SORBS2: variants seen among roughly 807,000 people sequenced by gnomAD.
The protein encoded by SORBS2 is sorbin and SH3 domain containing 2.
Under a neutral mutation model 97.7 loss-of-function variants are expected in SORBS2, and 46 were observed. The ratio of observed to expected loss-of-function variants is 0.47; its 90% confidence interval spans 0.37 to 0.60. The LOEUF (loss-of-function observed/expected upper bound fraction) is 0.60, where lower values mean the gene tolerates loss of function less well. Ranked by LOEUF, SORBS2 falls within the 20% of genes least tolerant of loss-of-function variation. The pLI, the probability that SORBS2 is intolerant of heterozygous loss-of-function variation, is 0.00. For synonymous variants in SORBS2, 476 were observed against 473.4 expected (o/e 1.01, Z -0.07); for missense variants, 1,316 against 1,282.3 (o/e 1.03, Z -0.40).
At chr4:185,617,680 TAA>T (rs1299319754) in intron 9 of SORBS2, among the ~76,000 whole-genome samples, 2 of 152,188 alleles carry the variant, frequency 1.3e-5, no homozygotes, top group East Asian at 1.9e-4. Flanking sequence ...CTCTTATATA[TAA>T]GTCTGCTTAT....
intron 4 of SORBS2, chr4:185,677,221 C>T (rs764467421): frequency 2.5e-5 from 39 of 1,551,522 alleles, no homozygotes; most frequent in Admixed American, 3.9e-5. Flanking sequence ...GACGGTACTT[C>T]GACAGATTTG....
intron 4 of SORBS2, among the ~76,000 whole-genome samples, chr4:185,671,599 C>A (rs1044197465): frequency 5.3e-5 from 8 of 152,166 alleles, no homozygotes; most frequent in African/African-American, 1.9e-4. Flanking sequence ...AAAGGAGAAT[C>A]ATGTTTTACA....
Position 185,696,994 on chromosome 4 carries a change from A to T in SORBS2, c.-197-18172T>A, listed in dbSNP as rs77243736. 1.8e-3 allele frequency among the ~76,000 whole-genome samples: 276 copies of T among 152,330 alleles called. 4 individuals carry two copies. The East Asian group carries it at 0.038, about 21-fold the overall frequency. On this transcript the variant is annotated intron_variant, in intron 2 of 20. Transcript: ENST00000284776. ...CACCTTATCAAAGAGACATGTGAGGAATTAATTAGAATATCCCTATAACAC... is the reference window on the plus strand; with the variant it reads ...CACCTTATCAAAGAGACATGTGAGGTATTAATTAGAATATCCCTATAACAC...
At chr4:185,803,346 T>C (rs13114824) in intron 1 of SORBS2, among the ~76,000 whole-genome samples, 67,167 of 152,056 alleles carry the variant, frequency 0.44, 15,236 homozygotes, top group East Asian at 0.67. Context: ...TTTAAGGGTA[T>C]GTTTTCCTAA....
intron 4 of SORBS2, chr4:185,646,437 A>G (rs1167438977): frequency 6.6e-6 from 2 of 304,068 alleles, no homozygotes; most frequent in East Asian, 9.1e-5. Context: ...ATATATAAAT[A>G]CACACACATA....
chr4:185,868,250 G>A (rs1195484559), intron 1 of SORBS2, among the ~76,000 whole-genome samples: 4 of 142,576 alleles, frequency 2.8e-5, no homozygotes, highest in African/African-American at 7.9e-5. Context: ...TCCGCCTCCC[G>A]GGTTCAAGCG....
At chr4:185,692,147 T>A (rs1407186159) in intron 2 of SORBS2, among the ~76,000 whole-genome samples, 2 of 152,190 alleles carry the variant, frequency 1.3e-5, no homozygotes, top group Non-Finnish European at 2.9e-5. Context: ...GACACGCTGA[T>A]AAGGTAGCAA....
chr4:185,864,631 C>G (rs950412153), intron 1 of SORBS2, among the ~76,000 whole-genome samples: 8 of 152,182 alleles, frequency 5.3e-5, no homozygotes, highest in African/African-American at 1.9e-4. Context: ...CACTGAACGG[C>G]CGGGTGCGGT....
chr4:185,902,820 T>C (rs191396033), intron 1 of SORBS2, among the ~76,000 whole-genome samples: 162 of 152,358 alleles, frequency 1.1e-3, no homozygotes, highest in African/African-American at 3.8e-3. Flanking sequence ...TCACCTCTGC[T>C]GACAGCAGTT....
chr4:185,741,734 A>T (rs564948715), intron 2 of SORBS2, among the ~76,000 whole-genome samples: 333 of 152,136 alleles, frequency 2.2e-3, no homozygotes, highest in Admixed American at 3.7e-3. Flanking sequence ...GTCTACATAA[A>T]ATAAATTAAA....
At chr4:185,848,704 T>C (rs2149678834) in intron 1 of SORBS2, among the ~76,000 whole-genome samples, 1 of 135,134 alleles carries the variant, frequency 7.4e-6, no homozygotes, top group Admixed American at 8.2e-5. Flanking sequence ...ACTCAAACTC[T>C]TGGGCTCAAT....
At chr4:185,838,233 C>G (rs989970793) in intron 1 of SORBS2, among the ~76,000 whole-genome samples, 1 of 152,264 alleles carries the variant, frequency 6.6e-6, no homozygotes, top group Non-Finnish European at 1.5e-5. Context: ...GCCCAGCTTC[C>G]CGGCTGCAGT....
At chr4:185,837,566 G>C (rs552000341) in intron 1 of SORBS2, among the ~76,000 whole-genome samples, 1 of 152,226 alleles carries the variant, frequency 6.6e-6, no homozygotes. Flanking sequence ...TTGCGGAAGT[G>C]GCTTTTGTTC....
chr4:185,783,496 T>C (rs994990717), intron 1 of SORBS2, among the ~76,000 whole-genome samples: 1 of 152,196 alleles, frequency 6.6e-6, no homozygotes, highest in South Asian at 2.1e-4. Context: ...ATATTCTTGA[T>C]TTTATGTATA....
intron 1 of SORBS2, among the ~76,000 whole-genome samples, chr4:185,882,769 CA>C (rs898977046): frequency 2.6e-5 from 4 of 151,838 alleles, no homozygotes; most frequent in East Asian, 1.9e-4. Context: ...ATAGAGAGTC[CA>C]AAAAAGGCCC....
intron 1 of SORBS2, among the ~76,000 whole-genome samples, chr4:185,856,023 C>A (rs1019106979): frequency 2.6e-5 from 4 of 152,188 alleles, no homozygotes; most frequent in Non-Finnish European, 4.4e-5. Context: ...TTTTGGATTA[C>A]AACACTGTTG....
Position 185,606,882 on chromosome 4 carries a change from A to G in SORBS2, c.2796+4898T>C. ...CGCTGGTGCACGCAGAGGCCACAAA[A>G]TTATCCCCTAGGACTTCTGGTGCCT... On this transcript the variant is annotated intron_variant, in intron 12 of 14. Coordinates refer to ENST00000418609, the Ensembl canonical transcript of SORBS2. This position sits in a 1 kb window ranked among gnomAD's most constrained non-coding sequence, Gnocchi z 4.3. 6.1e-6 allele frequency: 6 copies of G among 987,586 alleles called. No individual in the cohort carries two copies. The highest frequency in any genetic ancestry group is 7.2e-6 in the Non-Finnish European group (6 of 831,048). 61.2% of individuals were successfully genotyped at this position (987,586 alleles called of 1,614,324 possible).
chr4:185,728,432 A>C (rs965776296), intron 2 of SORBS2, among the ~76,000 whole-genome samples: 3 of 152,144 alleles, frequency 2.0e-5, no homozygotes, highest in African/African-American at 7.2e-5. Flanking sequence ...AGCTCTAGTA[A>C]TCTTGATGGC....
At chr4:185,797,466 T>G (rs2099110343) in intron 1 of SORBS2, among the ~76,000 whole-genome samples, 1 of 152,208 alleles carries the variant, frequency 6.6e-6, no homozygotes, top group South Asian at 2.1e-4. Context: ...TTCTCTCTTT[T>G]TCTTTCCCTA....
Sources: gnomAD v4.1 joint callset for allele counts (sites outside exome capture counted in the v4.1 genomes callset) on GRCh38, gnomAD v4.1.1 for gene constraint, Gnocchi (gnomAD v3.1) non-coding constraint, MANE v1.5 for transcripts, NCBI Gene and HGNC (gene_info 2026-07-23, HGNC 2026-07-21) for gene names.